The following SOX5 variants were observed in gnomAD, a reference collection of about 807,000 sequenced individuals.
The protein encoded by SOX5 is transcription factor SOX-5.
Under a neutral mutation model 92.0 loss-of-function variants are expected in SOX5, and 9 were observed. The observed-to-expected ratio is 0.10, with a 90% CI of 0.06 to 0.17. SOX5 has a LOEUF of 0.17. Among genes scored for constraint, SOX5 ranks in the 10% least tolerant of loss-of-function variants. The pLI is 1.00. For missense variants in SOX5, 642 were observed against 944.5 expected (o/e 0.68, Z 4.20); for synonymous variants, 344 against 336.3 (o/e 1.02, Z -0.25).
chr12:23,958,826 A>G (rs1254016444), intron 4 of SOX5, among the ~76,000 whole-genome samples: 1 of 151,848 alleles, frequency 6.6e-6, no homozygotes, highest in Admixed American at 6.6e-5. Context: ...TAAAGAATCA[A>G]TTTAAAACCC....
intron 3 of SOX5, among the ~76,000 whole-genome samples, chr12:23,798,740 A>G (rs1383858818): frequency 6.6e-6 from 1 of 151,898 alleles, no homozygotes; most frequent in Non-Finnish European, 1.5e-5. Context: ...AAAACATAAA[A>G]CTGTATTTTA....
In SOX5 at chr12:23,846,306, C is replaced by T. The variant is rs982756730; in HGVS notation, c.271-113G>A. ...AAAGGACAAATAATTGTTTAAAATT[C>T]AGTAACTTTAAAAAATTGGTTATAT... On this transcript the variant is annotated intron_variant, in intron 2 of 14. Transcript: ENST00000451604. 7 of 849,570 alleles carry T rather than the reference C, an allele frequency of 8.2e-6. No homozygotes were observed. In the Admixed American group the frequency reaches 1.6e-4, roughly 20 times the overall value. 52.6% of individuals were successfully genotyped at this position (849,570 alleles called of 1,614,324 possible).
chr12:24,546,683 G>A lies in SOX5; in HGVS notation c.-251+15646C>T, dbSNP rs143293821. On this transcript the variant is annotated intron_variant, in intron 1 of 4. Transcript: ENST00000446891. The stretch of plus-strand genomic sequence containing the variant: ...GTTGGTGGAAGCAGAACATCCAAGG[G>A]CAAATAATAAGTGGGTGCTCTGTTG... Among the ~76,000 whole-genome samples, 557 of 152,264 alleles carry A rather than the reference G, an allele frequency of 3.7e-3. 2 individuals carry two copies. Among genetic ancestry groups the A allele is most frequent in the Non-Finnish European group, 6.7e-3 (455 of 68,024 alleles).
intron 1 of SOX5, among the ~76,000 whole-genome samples, chr12:24,433,348 G>A (rs1002227847): frequency 1.3e-5 from 2 of 152,198 alleles, no homozygotes; most frequent in Non-Finnish European, 2.9e-5. Flanking sequence ...GTAATCTTAA[G>A]TGGACCTTTG....
Position 24,034,897 on chromosome 12 carries a change from C to A in SOX5, c.-1-138873G>T, listed in dbSNP as rs115051891. ...TTTTTGTTTACTCTAGGCCTCTTCCCCCTTCTCAATCAAGCTACTAATAGA... is the reference window on the plus strand; with the variant it reads ...TTTTTGTTTACTCTAGGCCTCTTCCACCTTCTCAATCAAGCTACTAATAGA... On this transcript the variant is annotated intron_variant, in intron 4 of 4. Transcript: ENST00000446891. 8.2e-3 allele frequency among the ~76,000 whole-genome samples: 1,241 copies of A among 152,116 alleles called. 21 individuals are homozygous for A. Among genetic ancestry groups the A allele is most frequent in the African/African-American group, 0.029 (1,193 of 41,516 alleles).
At chr12:24,369,154 A>T (rs1956467416) in intron 1 of SOX5, among the ~76,000 whole-genome samples, 1 of 152,122 alleles carries the variant, frequency 6.6e-6, no homozygotes, top group Non-Finnish European at 1.5e-5. Context: ...CTCCTCATTG[A>T]TGGAGTGAAG....
At chr12:24,186,344 A>G (rs1279530380) in intron 4 of SOX5, among the ~76,000 whole-genome samples, 1 of 152,174 alleles carries the variant, frequency 6.6e-6, no homozygotes, top group Non-Finnish European at 1.5e-5. Context: ...GTTCTGAAGA[A>G]AATGGAAAGT....
chr12:23,770,292 C>T (rs531101441), intron 3 of SOX5, among the ~76,000 whole-genome samples: 1 of 152,102 alleles, frequency 6.6e-6, no homozygotes, highest in South Asian at 2.1e-4. Flanking sequence ...TTACCCCACC[C>T]ACCCAACGCA....
chr12:24,118,296 T>C (rs1948271698), intron 4 of SOX5, among the ~76,000 whole-genome samples: 1 of 152,178 alleles, frequency 6.6e-6, no homozygotes, highest in Non-Finnish European at 1.5e-5. Flanking sequence ...GTGATGCATA[T>C]GTTAATTAGC....
chr12:24,488,777 T>C (rs1326316657), intron 1 of SOX5, among the ~76,000 whole-genome samples: 2 of 152,182 alleles, frequency 1.3e-5, no homozygotes, highest in Non-Finnish European at 2.9e-5. Flanking sequence ...CCAGTCTAGA[T>C]AATCAAAGCC....
At chr12:24,505,874 C>CGCGTGTGTGTGTGTGT (rs368183832) in intron 1 of SOX5, among the ~76,000 whole-genome samples, 2 of 148,120 alleles carry the variant, frequency 1.4e-5, no homozygotes, top group East Asian at 4.1e-4. Context: ...TGTGTGTGTG[C>CGCGTGTGTGTGTGTGT]GCATCACTGC....
intron 9 of SOX5, among the ~76,000 whole-genome samples, chr12:23,585,096 G>A (rs1431321848): frequency 6.6e-6 from 1 of 151,970 alleles, no homozygotes; most frequent in Non-Finnish European, 1.5e-5. Flanking sequence ...TTTTAATATA[G>A]CATTTCAAAG....
intron 3 of SOX5, among the ~76,000 whole-genome samples, chr12:24,264,425 T>G (rs1942717182): frequency 6.6e-6 from 1 of 152,178 alleles, no homozygotes; most frequent in South Asian, 2.1e-4. Flanking sequence ...AGTTTAAAAA[T>G]AGAAAAATGT....
At chr12:24,417,651 C>T (rs1027558316) in intron 1 of SOX5, among the ~76,000 whole-genome samples, 2 of 152,280 alleles carry the variant, frequency 1.3e-5, no homozygotes, top group Middle Eastern at 3.4e-3. Context: ...GAAGAAAGAC[C>T]TTCAGGCAGA....
Position 23,579,443 on chromosome 12 carries a change from G to T in SOX5, c.1165-3605C>A, listed in dbSNP as rs1375800412. On this transcript the variant is annotated intron_variant, in intron 9 of 14. Coordinates refer to ENST00000451604, the MANE Select transcript of SOX5 (RefSeq NM_006940.6). Reference sequence around the variant, plus strand: ...TATAAATAATTTTGACCCATTATATGATATTATTTCGCAATTTTGTTCTTT... The same window carrying T: ...TATAAATAATTTTGACCCATTATATTATATTATTTCGCAATTTTGTTCTTT... Among the ~76,000 whole-genome samples the T allele has an allele frequency of 4.6e-5, 7 of 152,020 alleles. No homozygotes were observed. The East Asian group carries it at 5.8e-4, about 13-fold the overall frequency.
At chr12:23,817,390 C>G (rs1182032034) in intron 3 of SOX5, among the ~76,000 whole-genome samples, 1 of 152,134 alleles carries the variant, frequency 6.6e-6, no homozygotes, top group Non-Finnish European at 1.5e-5. Context: ...CATTATATGT[C>G]TAGCCTTATT....
At chr12:24,448,553 A>G (rs1340505900) in intron 1 of SOX5, among the ~76,000 whole-genome samples, 1 of 152,216 alleles carries the variant, frequency 6.6e-6, no homozygotes, top group African/African-American at 2.4e-5. Context: ...GGTATTAAAT[A>G]CTAAAATTTA....
At chr12:24,336,212 AG>A (rs1024790426) in intron 2 of SOX5, among the ~76,000 whole-genome samples, 2 of 151,472 alleles carry the variant, frequency 1.3e-5, no homozygotes, top group African/African-American at 4.9e-5. Context: ...CTCCTGCCTC[AG>A]CCCCCTGAGT....
intron 2 of SOX5, among the ~76,000 whole-genome samples, chr12:23,850,872 C>G (rs866700627): frequency 6.6e-6 from 1 of 152,120 alleles, no homozygotes; most frequent in Admixed American, 6.6e-5. Flanking sequence ...CAATTGCACG[C>G]ACAATTTCAT....
Sources: allele counts gnomAD v4.1 joint callset (sites outside exome capture counted in the v4.1 genomes callset), GRCh38; gene constraint gnomAD v4.1.1; transcripts MANE v1.5; gene names NCBI Gene and HGNC (gene_info 2026-07-23, HGNC 2026-07-21).